The following HSPA13 variants were observed in gnomAD, a reference collection of about 807,000 sequenced individuals.
HSPA13 encodes the protein heat shock protein family A (Hsp70) member 13.
Under a neutral mutation model 38.8 loss-of-function variants are expected in HSPA13, and 29 were observed. That is an observed-to-expected ratio of 0.75 (90% CI 0.56 to 1.02). The LOEUF (loss-of-function observed/expected upper bound fraction) is 1.02, where lower values mean the gene tolerates loss of function less well. Ranked by LOEUF, HSPA13 falls within the 50% of genes least tolerant of loss-of-function variation. HSPA13 has a pLI of 0.00. For synonymous variants in HSPA13, 192 were observed against 205.3 expected, an observed-to-expected ratio of 0.94 and a Z score of 0.56; for missense variants, 451 against 560.9, an observed-to-expected ratio of 0.80 and a Z score of 1.98.
At chr21:14,374,398 T>C in intron 4 of HSPA13, 114 bp from the exon 5 acceptor site, 1 of 758,142 alleles carries the variant, frequency 1.3e-6, no homozygotes, top group African/African-American at 1.8e-5. Context: ...CCCTGTTTCA[T>C]GTATCATTAC....
chr21:14,381,380 C>A lies in HSPA13; in HGVS notation c.189G>T (p.Gly63=), dbSNP rs375770065. The part of the protein sequence containing the change: ...GKVKVIPDEN[G]HISIPSMVSF... ...ACACCATGCTGGGTATGCTGATATG[C>A]CCATTTTCATCTGGAATCACCTTTA... Residue 63 remains glycine (G), a synonymous_variant, in exon 2 of 5, where the codon GGG becomes GGT. Coordinates refer to ENST00000285667, the MANE Select transcript of HSPA13 (RefSeq NM_006948.5). 1.2e-6 allele frequency: 2 copies of A among 1,614,084 alleles called. No individual in the cohort carries two copies. Among genetic ancestry groups the A allele is most frequent in the African/African-American group, 2.7e-5 (2 of 74,994 alleles).
chr21:14,380,969 T>C (rs1231770205), intron 2 of HSPA13, among the ~76,000 whole-genome samples: 1 of 152,200 alleles, frequency 6.6e-6, no homozygotes, highest in East Asian at 1.9e-4. Context: ...AAGCAAGACA[T>C]GCTGAGGATG....
intron 1 of HSPA13, among the ~76,000 whole-genome samples, chr21:14,382,884 C>A (rs17274128): frequency 0.21 from 31,436 of 152,046 alleles, 3,891 homozygotes; most frequent in Non-Finnish European, 0.28. Context: ...GCCGTCTATC[C>A]TACCTTGGCC....
At position 14,383,094 on chromosome 21, in the gene HSPA13, C is replaced by T; in HGVS notation, c.25+1G>A. ...AGCAACAAGGACCCCCGGGAACCCA[C>T]CTAAGATCGTCATCTCTCTGGCCAT... On this transcript the variant is annotated splice_donor_variant, in intron 1 of 4. Transcript: ENST00000285667. LOFTEE classifies it high-confidence loss of function. 3 of 1,614,166 alleles carry T rather than the reference C, an allele frequency of 1.9e-6. No individual in the cohort carries two copies. The highest frequency in any genetic ancestry group is 2.5e-6 in the Non-Finnish European group (3 of 1,180,012).
chr21:14,374,610 T>A (rs1215890797), intron 4 of HSPA13, among the ~76,000 whole-genome samples: 2 of 152,140 alleles, frequency 1.3e-5, no homozygotes, highest in Non-Finnish European at 2.9e-5. Flanking sequence ...ATGACTGGGT[T>A]AAAGCTATCT....
rs759512970 is a variant in HSPA13 at position 14,381,465 on chromosome 21, C to T, written c.104G>A (p.Gly35Asp). 6.2e-7 allele frequency: 1 copy of T among 1,614,028 alleles called. No homozygotes were observed. Among genetic ancestry groups the T allele is most frequent in the African/African-American group, 1.3e-5 (1 of 74,912 alleles). ...ACAATAGGTGGTGCCAAGATCAATA[C>T]CAATCACTTTAGGAGTAGGCAATGG... ...YLPLPTPKVI[G>D]IDLGTTYCSV... The change falls in exon 2 of 5, where the codon GGT becomes GAT. Residue 35 changes from glycine (G) to aspartate (D), a missense_variant. Transcript: ENST00000285667.
Position 14,381,469 on chromosome 21 carries a change from T to C in HSPA13, c.100A>G (p.Ile34Val). The part of the protein sequence containing the change: ...QYLPLPTPKV[I>V]GIDLGTTYCS... ...TAGGTGGTGCCAAGATCAATACCAA[T>C]CACTTTAGGAGTAGGCAATGGTAAA... Residue 34 changes from isoleucine (I) to valine (V), a missense_variant, in exon 2 of 5, where the codon ATT becomes GTT. Coordinates refer to ENST00000285667, the MANE Select transcript of HSPA13 (RefSeq NM_006948.5). The C allele has an allele frequency of 6.2e-7, 1 of 1,614,074 alleles. No homozygotes were observed. The highest frequency in any genetic ancestry group is 8.5e-7 in the Non-Finnish European group (1 of 1,179,992).
chr21:14,379,780 C>CA (rs1984120877), intron 2 of HSPA13, among the ~76,000 whole-genome samples: 1 of 151,864 alleles, frequency 6.6e-6, no homozygotes, highest in Non-Finnish European at 1.5e-5. Context: ...TAGGTTTATT[C>CA]AATAAGCAGC....
At chr21:14,382,796 A>G (rs916122630) in intron 1 of HSPA13, among the ~76,000 whole-genome samples, 2 of 151,998 alleles carry the variant, frequency 1.3e-5, no homozygotes, top group Non-Finnish European at 2.9e-5. Context: ...CCAATTCAAC[A>G]GGCAATTCAA....
rs749393226 is a variant in HSPA13, at chr21:14,378,312, T to G, written c.467A>C (p.Lys156Thr). The G allele has an allele frequency of 2.7e-5, 44 of 1,614,006 alleles. No homozygotes were observed. Among genetic ancestry groups the G allele is most frequent in the Non-Finnish European group, 3.1e-5 (36 of 1,179,846 alleles). ...TCCAAGATATGCCTCTGCCATTTCC[T>G]TTAACTTCAACAATAGTCGAGAGCC... Reference protein sequence around the residue: ...YVGSRLLLKLKEMAEAYLGMP... With the variant: ...YVGSRLLLKLTEMAEAYLGMP... Residue 156 changes from lysine to threonine, a missense_variant, in exon 3 of 5, where the codon AAG (lysine) becomes ACG (threonine). Physicochemically the swap from Lys to Thr is moderately conservative, Grantham distance 78 (BLOSUM62 -1). Transcript: ENST00000285667.
intron 4 of HSPA13, among the ~76,000 whole-genome samples, chr21:14,375,345 T>C (rs780068503): frequency 2.6e-5 from 4 of 152,100 alleles, no homozygotes; most frequent in Non-Finnish European, 4.4e-5. Context: ...GCTGTAAATA[T>C]ATACAAATGG....
At chr21:14,374,384 A>G (rs1466893511) in intron 4 of HSPA13, 100 bp from the exon 5 acceptor site, 1 of 830,070 alleles carries the variant, frequency 1.2e-6, no homozygotes, top group African/African-American at 1.7e-5. Context: ...TGGGAATAAC[A>G]AATCCCTGTT....
At chr21:14,381,577 T>C (rs1301039986) in intron 1 of HSPA13, 34 bp from the exon 2 acceptor site, 5 of 1,514,092 alleles carry the variant, frequency 3.3e-6, no homozygotes, top group Non-Finnish European at 4.5e-6. Context: ...ATGTATTTTA[T>C]CAAACTAGTA....
chr21:14,374,838 T>C (rs1983979859), intron 4 of HSPA13, among the ~76,000 whole-genome samples: 2 of 152,204 alleles, frequency 1.3e-5, no homozygotes. Context: ...TAATCTCTTT[T>C]TTTCCTTTCA....
At position 14,372,108 on chromosome 21, in the gene HSPA13, T is replaced by TA. The variant is rs1351182193; in HGVS notation, c.*1508dup. The TA allele has an allele frequency of 3.3e-5, 5 of 152,048 alleles. No homozygotes were observed. The highest frequency in any genetic ancestry group is 7.4e-5 in the Non-Finnish European group (5 of 67,930). 9.4% of individuals were successfully genotyped at this position (152,048 alleles called of 1,614,324 possible). On this transcript the variant is annotated 3_prime_UTR_variant, in exon 5 of 5. Transcript: ENST00000285667. Reference sequence around the variant, plus strand: ...AAAATATTAGTAACATTCAGCTTTTTACTATGAGAAGCTGAAGTTTTGATG... The same window carrying TA: ...AAAATATTAGTAACATTCAGCTTTTTAACTATGAGAAGCTGAAGTTTTGATG...
intron 4 of HSPA13, among the ~76,000 whole-genome samples, chr21:14,375,226 C>T (rs1452875535): frequency 6.6e-6 from 1 of 152,136 alleles, no homozygotes; most frequent in Non-Finnish European, 1.5e-5. Context: ...TCCCTTTCTT[C>T]ACCATCACCA....
intron 2 of HSPA13, among the ~76,000 whole-genome samples, chr21:14,380,710 C>T (rs1209100576): frequency 1.3e-5 from 2 of 152,142 alleles, no homozygotes; most frequent in Non-Finnish European, 2.9e-5. Context: ...GAATCTCCAA[C>T]ATTAGTGAAA....
At chr21:14,381,165 A>ACAC in intron 2 of HSPA13, 38 bp downstream of exon 2, 2 of 1,427,268 alleles carry the variant, frequency 1.4e-6, no homozygotes, top group Non-Finnish European at 1.9e-6. Flanking sequence ...CTAAAAGAGT[A>ACAC]CACTAAAATT....
chr21:14,382,812 T>G (rs183504745), intron 1 of HSPA13, among the ~76,000 whole-genome samples: 1 of 152,168 alleles, frequency 6.6e-6, no homozygotes, highest in East Asian at 1.9e-4. Flanking sequence ...TTCAAAAACC[T>G]AGGTGCTGTT....
Sources: allele counts gnomAD v4.1 joint callset (sites outside exome capture counted in the v4.1 genomes callset), GRCh38; gene constraint gnomAD v4.1.1; transcripts MANE v1.5; gene names NCBI Gene and HGNC (gene_info 2026-07-23, HGNC 2026-07-21).